The following VPS53 variants were observed in gnomAD, a reference collection of about 807,000 sequenced individuals.
The protein encoded by VPS53 is VPS53 subunit of GARP complex.
A neutral mutation model predicts 107.0 loss-of-function variants in VPS53; 70 were observed. That is an observed-to-expected ratio of 0.65 (90% confidence interval 0.54 to 0.80). VPS53 has a LOEUF of 0.80. VPS53 is among the 30% of genes least tolerant of loss of function. The pLI, the probability that VPS53 is intolerant of heterozygous loss-of-function variation, is 0.00. For synonymous variants in VPS53, 409 were observed against 393.3 expected (o/e 1.04, Z -0.47); for missense variants, 917 against 1,049.4 (o/e 0.87, Z 1.74).
chr17:668,124 G>A (rs1971774422), intron 4 of VPS53, among the ~76,000 whole-genome samples: 1 of 152,098 alleles, frequency 6.6e-6, no homozygotes, highest in Non-Finnish European at 1.5e-5. Flanking sequence ...CTTTAGAATG[G>A]GGACCAAGGA....
chr17:524,700 A>C lies in VPS53; in HGVS notation c.2086-2962T>G, dbSNP rs1019327410. ...ACACCATAATACATCCATCAGAGTC[A>C]GAAGTAAACAGATTATTTGATAATC... On this transcript the variant is annotated intron_variant, in intron 19 of 21. Coordinates refer to ENST00000437048, the MANE Select transcript of VPS53 (RefSeq NM_001128159.3). This position sits in a 1 kb window ranked among gnomAD's most constrained non-coding sequence, Gnocchi z 4.5. 6.6e-6 allele frequency among the ~76,000 whole-genome samples: 1 copy of C among 152,270 alleles called. No homozygotes were observed. The highest frequency in any genetic ancestry group is 6.5e-5 in the Admixed American group (1 of 15,286).
chr17:703,910 C>T (rs1025519095), intron 2 of VPS53, among the ~76,000 whole-genome samples: 4 of 151,968 alleles, frequency 2.6e-5, no homozygotes, highest in Non-Finnish European at 5.9e-5. Context: ...AAGCGATCCT[C>T]CTGCCTCAGT....
chr17:690,485 G>A (rs1186468824), intron 4 of VPS53, among the ~76,000 whole-genome samples: 2 of 152,214 alleles, frequency 1.3e-5, no homozygotes, highest in Admixed American at 6.5e-5. Context: ...CCAGGTCTGC[G>A]TTCAGACGTG....
intron 1 of VPS53, 181 bp downstream of exon 1, chr17:714,442 T>A (rs1973768503): frequency 1.6e-6 from 1 of 608,060 alleles, no homozygotes; most frequent in South Asian, 2.0e-5. Context: ...TAGAAAGGGT[T>A]CTCTTTCCTT....
intron 4 of VPS53, among the ~76,000 whole-genome samples, chr17:666,353 G>T (rs555900584): frequency 6.6e-6 from 1 of 152,186 alleles, no homozygotes; most frequent in Non-Finnish European, 1.5e-5. Context: ...GAGTGATTGT[G>T]CCTTCTGTTG....
At position 509,065 on chromosome 17, in the gene VPS53, C is replaced by T. The variant is rs1477383590; in HGVS notation, c.*10063G>A. On this transcript the variant is annotated 3_prime_UTR_variant, in exon 22 of 22. Coordinates refer to ENST00000437048, the MANE Select transcript of VPS53 (RefSeq NM_001128159.3). The stretch of plus-strand genomic sequence containing the variant: ...AGGCTGGAGCCAAATCCTGGCTCGC[C>T]CCCTTACTAGTCACATAGCAAATCC... 2 of 151,966 alleles carry T rather than the reference C, an allele frequency of 1.3e-5. No homozygotes were observed. Among genetic ancestry groups the T allele is most frequent in the African/African-American group, 4.8e-5 (2 of 41,240 alleles). The allele number at this position is 151,966 out of a possible 1,614,324, so 9.4% of individuals were successfully genotyped here.
chr17:571,890 C>G (rs1914138751), intron 13 of VPS53, among the ~76,000 whole-genome samples: 1 of 152,202 alleles, frequency 6.6e-6, no homozygotes, highest in Admixed American at 6.5e-5. Flanking sequence ...TCTCGGCTCG[C>G]TACAACCTCC....
chr17:621,151 C>T (rs12939528), intron 11 of VPS53, among the ~76,000 whole-genome samples: 52,865 of 151,978 alleles, frequency 0.35, 11,011 homozygotes, highest in Non-Finnish European at 0.47. Context: ...ATTTCCAGAC[C>T]TCTTTCTTAT....
intron 13 of VPS53, among the ~76,000 whole-genome samples, chr17:575,226 A>C (rs1914495730): frequency 6.6e-6 from 1 of 152,280 alleles, no homozygotes; most frequent in Admixed American, 6.5e-5. Flanking sequence ...TGAAAAGCAT[A>C]GAAGCAGTCC....
chr17:677,506 T>G (rs1353337312), intron 4 of VPS53, among the ~76,000 whole-genome samples: 1 of 152,108 alleles, frequency 6.6e-6, no homozygotes, highest in Non-Finnish European at 1.5e-5. Context: ...GAGTTTCTAT[T>G]TGGGGTGATG....
Position 524,073 on chromosome 17 carries a change from T to TG in VPS53, c.2086-2336dup, listed in dbSNP as rs1015985999. The stretch of plus-strand genomic sequence containing the variant: ...CAGCATTTTGGGAGGCCGAGGCGGG[T>TG]GGATCATCTGAGGTCAGGAGTTCGA... On this transcript the variant is annotated intron_variant, in intron 19 of 21. Transcript: ENST00000437048. The surrounding 1 kb of genome is among the most constrained non-coding windows in gnomAD (Gnocchi z 4.5). Among the ~76,000 whole-genome samples, 6 of 151,372 alleles carry TG rather than the reference T, an allele frequency of 4.0e-5. No homozygotes were observed.
At chr17:572,800 T>C (rs918261288) in intron 13 of VPS53, among the ~76,000 whole-genome samples, 1 of 149,800 alleles carries the variant, frequency 6.7e-6, no homozygotes, top group East Asian at 1.9e-4. Flanking sequence ...CAGTGCAAGA[T>C]GTGCTTTGTT....
At chr17:537,345 C>G (rs1342472766) in intron 17 of VPS53, 169 bp from the exon 18 acceptor site, 2 of 721,390 alleles carry the variant, frequency 2.8e-6, no homozygotes, top group African/African-American at 3.6e-5. Context: ...GACTGATACT[C>G]AGGACAAATG....
chr17:662,811 A>AGAAAG (rs1466662228), intron 4 of VPS53, among the ~76,000 whole-genome samples: 1 of 146,838 alleles, frequency 6.8e-6, no homozygotes, highest in Non-Finnish European at 1.5e-5. Flanking sequence ...GAAAGAAAAA[A>AGAAAG]AGAAAGAAAG....
At position 714,706 on chromosome 17, in the gene VPS53, T is replaced by A; in HGVS notation, c.4A>T (p.Met2Leu). The change falls in exon 1 of 22, where the codon ATG (methionine) becomes TTG (leucine). Residue 2 changes from methionine to leucine, a missense_variant. By Grantham distance (15) the Met-to-Leu change is conservative. Transcript: ENST00000437048. The stretch of plus-strand genomic sequence containing the variant: ...ACGAACTCCAGTTCCTCCTCCTCCA[T>A]CATTCCGCCACCCGGCCCCCTGCCG... Reference protein sequence around the residue: MMEEEELEFVEE... With the variant: MLEEEELEFVEE... 1 of 1,612,604 alleles carries A rather than the reference T, an allele frequency of 6.2e-7. No homozygotes were observed. The highest frequency in any genetic ancestry group is 8.5e-7 in the Non-Finnish European group (1 of 1,179,538).
At position 519,567 on chromosome 17, in the gene VPS53, C is replaced by A. The variant is rs1006538452; in HGVS notation, c.2328+259G>T. On this transcript the variant is annotated intron_variant, in intron 21 of 21. Coordinates refer to ENST00000437048, the MANE Select transcript of VPS53 (RefSeq NM_001128159.3). This position sits in a 1 kb window ranked among gnomAD's most constrained non-coding sequence, Gnocchi z 5.0. ...CAAGAAGGTGGGAAGGACAACATGC[C>A]TGTCCTCATCCCCCTGCCCCTGCCC... Among the ~76,000 whole-genome samples, 4 of 152,192 alleles carry A rather than the reference C, an allele frequency of 2.6e-5. No homozygotes were observed. The highest frequency in any genetic ancestry group is 9.7e-5 in the African/African-American group (4 of 41,444).
intron 4 of VPS53, among the ~76,000 whole-genome samples, chr17:666,592 A>G (rs1971700042): frequency 6.6e-6 from 1 of 152,130 alleles, no homozygotes; most frequent in African/African-American, 2.4e-5. Context: ...TGAACCCAGG[A>G]GGCAGAGGTT....
At chr17:594,398 T>C (rs1238196425) in intron 12 of VPS53, among the ~76,000 whole-genome samples, 2 of 152,266 alleles carry the variant, frequency 1.3e-5, no homozygotes, top group Non-Finnish European at 2.9e-5. Context: ...GCAAAGGCAC[T>C]CCTGCCTCAG....
At chr17:690,449 T>G (rs950670738) in intron 4 of VPS53, among the ~76,000 whole-genome samples, 1 of 152,218 alleles carries the variant, frequency 6.6e-6, no homozygotes, top group East Asian at 1.9e-4. Flanking sequence ...CCGGCTGCTC[T>G]TGAAAAACTG....
Sources: allele counts gnomAD v4.1 joint callset (sites outside exome capture counted in the v4.1 genomes callset), GRCh38; gene constraint gnomAD v4.1.1; non-coding constraint Gnocchi (gnomAD v3.1); transcripts MANE v1.5; gene names NCBI Gene and HGNC (gene_info 2026-07-23, HGNC 2026-07-21).